ROR1: variants seen among roughly 807,000 people sequenced by gnomAD.
ROR1 encodes ROR family WNT receptor 1.
Under a neutral mutation model 78.8 loss-of-function variants are expected in ROR1, and 19 were observed. The observed-to-expected ratio is 0.24, with a 90% CI of 0.17 to 0.35. The LOEUF (loss-of-function observed/expected upper bound fraction) is 0.35, where lower values mean the gene tolerates loss of function less well. ROR1 is among the 10% of genes least tolerant of loss of function. ROR1 has a pLI of 1.00. For synonymous variants in ROR1, 386 were observed against 433.6 expected, an observed-to-expected ratio of 0.89 and a Z score of 1.36; for missense variants, 917 against 1,177.8, an observed-to-expected ratio of 0.78 and a Z score of 3.24.
In ROR1 at chr1:64,179,840, T is replaced by G. The variant is rs931840217; in HGVS notation, c.*985T>G. The G allele has an allele frequency of 2.0e-5, 3 of 152,166 alleles. No homozygotes were observed. Among genetic ancestry groups the G allele is most frequent in the African/African-American group, 7.2e-5 (3 of 41,438 alleles). 9.4% of individuals were successfully genotyped at this position (152,166 alleles called of 1,614,324 possible). On this transcript the variant is annotated 3_prime_UTR_variant, in exon 9 of 9. Coordinates refer to ENST00000371079, the MANE Select transcript of ROR1 (RefSeq NM_005012.4). ...CCTGTTTACAAGTTGTCCGAGGCAT[T>G]GGAGTGCTTATGGTCAATGGGCTCT...
chr1:63,986,450 G>A (rs1646253003), intron 1 of ROR1, among the ~76,000 whole-genome samples: 1 of 152,188 alleles, frequency 6.6e-6, no homozygotes, highest in African/African-American at 2.4e-5. Flanking sequence ...CGGATCGAAA[G>A]GGCAGGTGTG....
chr1:64,155,009 CA>C (rs1243185808), intron 7 of ROR1, among the ~76,000 whole-genome samples: 2 of 152,080 alleles, frequency 1.3e-5, no homozygotes, highest in African/African-American at 4.8e-5. Context: ...TGATGAAAAA[CA>C]ATTATATATA....
At chr1:63,913,512 C>T (rs890927695) in intron 1 of ROR1, among the ~76,000 whole-genome samples, 7 of 152,080 alleles carry the variant, frequency 4.6e-5, no homozygotes, top group African/African-American at 9.7e-5. Flanking sequence ...CACTAGTTGC[C>T]GTAAGATTCA....
intron 1 of ROR1, among the ~76,000 whole-genome samples, chr1:63,977,903 A>G (rs1014593246): frequency 6.6e-6 from 1 of 152,200 alleles, no homozygotes; most frequent in African/African-American, 2.4e-5. Flanking sequence ...CTTCTATTCC[A>G]TATCTTAGAT....
At chr1:63,896,058 G>A (rs896858215) in intron 1 of ROR1, among the ~76,000 whole-genome samples, 4 of 152,044 alleles carry the variant, frequency 2.6e-5, no homozygotes, top group Non-Finnish European at 5.9e-5. Context: ...CAGTGCCCTA[G>A]ATGAGTGGCT....
intron 4 of ROR1, among the ~76,000 whole-genome samples, chr1:64,056,240 G>A (rs1341062558): frequency 6.6e-6 from 1 of 151,988 alleles, no homozygotes; most frequent in Admixed American, 6.5e-5. Flanking sequence ...AACTTTTTGA[G>A]GAACTGCAAA....
At chr1:63,777,688 G>A (rs540328583) in intron 1 of ROR1, among the ~76,000 whole-genome samples, 1 of 152,272 alleles carries the variant, frequency 6.6e-6, no homozygotes, top group East Asian at 1.9e-4. Context: ...AGTGTCACTT[G>A]CTCTGAAATT....
At chr1:63,785,635 G>T (rs560255543) in intron 1 of ROR1, among the ~76,000 whole-genome samples, 2 of 151,776 alleles carry the variant, frequency 1.3e-5, no homozygotes, top group Non-Finnish European at 2.9e-5. Context: ...AAGTGATTCT[G>T]CTGGCTCAGC....
chr1:64,081,040 T>G (rs1270801110), intron 4 of ROR1, among the ~76,000 whole-genome samples: 1 of 152,194 alleles, frequency 6.6e-6, no homozygotes, highest in Non-Finnish European at 1.5e-5. Context: ...AGCCAGATCA[T>G]AAATTAGGCC....
Position 63,799,863 on chromosome 1 carries a change from G to A in ROR1, c.91+25355G>A, listed in dbSNP as rs978986647. ...ATATTGGAAAGCTCAAGTTTTTATG[G>A]CAGACGAGGGAGACAGTGGGAGCTG... On this transcript the variant is annotated intron_variant, in intron 1 of 8. Transcript: ENST00000371079. Among the ~76,000 whole-genome samples the A allele has an allele frequency of 7.9e-5, 12 of 152,282 alleles. No individual in the cohort carries two copies. The Middle Eastern group carries it at 0.014, about 173-fold the overall frequency.
At position 63,855,839 on chromosome 1, in the gene ROR1, A is replaced by T. The variant is rs1490723464; in HGVS notation, c.91+81331A>T. Among the ~76,000 whole-genome samples the T allele has an allele frequency of 6.0e-5, 9 of 149,982 alleles. No individual in the cohort carries two copies. The East Asian group carries it at 1.6e-3, about 26-fold the overall frequency. ...AATTTTTTTTTTTTTCTGTATTTTT[A>T]GTAGAGACGGCGTTTCACCATGTCG... On this transcript the variant is annotated intron_variant, in intron 1 of 8. Coordinates refer to ENST00000371079, the MANE Select transcript of ROR1 (RefSeq NM_005012.4).
chr1:63,945,139 A>G (rs983684457), intron 1 of ROR1, among the ~76,000 whole-genome samples: 7 of 152,170 alleles, frequency 4.6e-5, no homozygotes, highest in Admixed American at 2.0e-4. Flanking sequence ...GGAAAAGGTT[A>G]AAACGACCCA....
chr1:63,983,303 T>C (rs929032862), intron 1 of ROR1, among the ~76,000 whole-genome samples: 1 of 152,206 alleles, frequency 6.6e-6, no homozygotes, highest in African/African-American at 2.4e-5. Flanking sequence ...TTTACTACTT[T>C]CCCAAGTTGC....
intron 1 of ROR1, among the ~76,000 whole-genome samples, chr1:63,806,474 C>T (rs1482863463): frequency 5.3e-5 from 8 of 152,078 alleles, no homozygotes; most frequent in South Asian, 4.1e-4. Flanking sequence ...CCCGCCACCA[C>T]GCCCTGCTAA....
In ROR1 at chr1:63,944,986, C is replaced by A. The variant is rs189856068; in HGVS notation, c.92-64319C>A. 2.0e-5 allele frequency among the ~76,000 whole-genome samples: 3 copies of A among 152,052 alleles called. No individual in the cohort carries two copies. The East Asian group carries it at 5.8e-4, about 29-fold the overall frequency. On this transcript the variant is annotated intron_variant, in intron 1 of 8. Transcript: ENST00000371079. ...GTTAAAAAAATACCTTTTGTCAGGC[C>A]CCACCCAGACCAGTTAGAATCCAGG...
intron 1 of ROR1, among the ~76,000 whole-genome samples, chr1:63,804,017 A>G (rs1334717861): frequency 1.3e-5 from 2 of 152,182 alleles, no homozygotes; most frequent in Non-Finnish European, 1.5e-5. Flanking sequence ...CCCTTTTGAG[A>G]TTATGCTGAG....
rs770949333 is a variant in ROR1, at chr1:64,137,442, A to G, written c.556A>G (p.Thr186Ala). ...ATGTGCAAGATTTATTGGCAACCGC[A>G]CCGTCTATATGGAGTCTTTGCACAT... ...IACARFIGNR[T>A]VYMESLHMQG... Residue 186 changes from threonine (T) to alanine (A), a missense_variant, in exon 5 of 9, where the codon ACC becomes GCC. Physicochemically the swap from Thr to Ala is moderately conservative, Grantham distance 58 (BLOSUM62 0). Transcript: ENST00000371079. 6.2e-7 allele frequency: 1 copy of G among 1,613,988 alleles called. No individual in the cohort carries two copies. The highest frequency in any genetic ancestry group is 8.5e-7 in the Non-Finnish European group (1 of 1,179,870).
intron 4 of ROR1, among the ~76,000 whole-genome samples, chr1:64,076,749 A>G (rs1392587544): frequency 6.6e-6 from 1 of 152,242 alleles, no homozygotes; most frequent in African/African-American, 2.4e-5. Context: ...TTAAGTAAAA[A>G]TAAAATTTAT....
intron 4 of ROR1, among the ~76,000 whole-genome samples, chr1:64,063,619 T>C (rs979247712): frequency 6.8e-6 from 1 of 146,492 alleles, no homozygotes; most frequent in Non-Finnish European, 1.5e-5. Flanking sequence ...TCTCTATGTC[T>C]CTTTCTCTGT....
Sources: allele counts gnomAD v4.1 joint callset (sites outside exome capture counted in the v4.1 genomes callset), GRCh38; gene constraint gnomAD v4.1.1; transcripts MANE v1.5; gene names NCBI Gene and HGNC (gene_info 2026-07-23, HGNC 2026-07-21).